The following CALN1 variants were observed in gnomAD, a reference collection of about 807,000 sequenced individuals.
CALN1 encodes the protein calcium-binding protein 8.
Under a neutral mutation model 30.6 loss-of-function variants are expected in CALN1, and 17 were observed. That is an observed-to-expected ratio of 0.56 (90% confidence interval 0.38 to 0.83). The LOEUF (loss-of-function observed/expected upper bound fraction) is 0.83, where lower values mean the gene tolerates loss of function less well. Among genes scored for constraint, CALN1 ranks in the 40% least tolerant of loss-of-function variants. CALN1 has a pLI of 0.00. For synonymous variants in CALN1, 156 were observed against 131.4 expected (o/e 1.19, Z -1.28); for missense variants, 291 against 354.9 (o/e 0.82, Z 1.45).
intron 3 of CALN1, 108 bp downstream of exon 3, chr7:72,278,578 A>T (rs1797516496): frequency 6.8e-7 from 1 of 1,466,660 alleles, no homozygotes; most frequent in African/African-American, 1.4e-5. Flanking sequence ...ACTTGGCCAC[A>T]ACTGCCAAGG....
rs1297021526 is a variant in CALN1, at chr7:71,897,992, AGAGAGAGAGAGGGAGGGAGGGGGGGG to A, written c.502-87526_502-87501del. 5.5e-3 allele frequency among the ~76,000 whole-genome samples: 531 copies of A among 96,832 alleles called. 8 individuals carry two copies. The highest frequency in any genetic ancestry group is 0.023 in the African/African-American group (508 of 22,088). 63.5% of individuals were successfully genotyped at this position (96,832 alleles called of 152,430 possible). On this transcript the variant is annotated intron_variant, in intron 5 of 6. Transcript: ENST00000395275. ...AAAAACAAAAAAAAAAAAAAAAAAA[AGAGAGAGAGAGGGAGGGAGGGGGGGG>A]GAGAGAGAGAGAGAGAGAGAGAATG...
At chr7:72,317,370 T>C (rs1179548333) in intron 2 of CALN1, among the ~76,000 whole-genome samples, 6 of 152,216 alleles carry the variant, frequency 3.9e-5, no homozygotes, top group Non-Finnish European at 8.8e-5. Context: ...GGGAAATCCC[T>C]GTTAGGTTGG....
At chr7:72,065,901 GA>G (rs1054029602) in intron 4 of CALN1, among the ~76,000 whole-genome samples, 1 of 149,108 alleles carries the variant, frequency 6.7e-6, no homozygotes, top group African/African-American at 2.6e-5. Context: ...CTCAAAAAAA[GA>G]AAAGAAAAGA....
Position 71,827,358 on chromosome 7 carries a change from G to A in CALN1, c.502-16866C>T, listed in dbSNP as rs76794002. Among the ~76,000 whole-genome samples the A allele has an allele frequency of 8.4e-4, 128 of 152,294 alleles. No individual in the cohort carries two copies. The East Asian group carries it at 0.023, about 27-fold the overall frequency. Reference sequence around the variant, plus strand: ...AGGGAGAGCTTCCTCTGAGCCAGGAGCACAGCAGATGTGGCCTCATTTAAG... The same window carrying A: ...AGGGAGAGCTTCCTCTGAGCCAGGAACACAGCAGATGTGGCCTCATTTAAG... On this transcript the variant is annotated intron_variant, in intron 5 of 6. Transcript: ENST00000395275.
intron 3 of CALN1, among the ~76,000 whole-genome samples, chr7:72,231,490 T>C (rs1450854267): frequency 6.6e-6 from 1 of 152,250 alleles, no homozygotes; most frequent in Non-Finnish European, 1.5e-5. Context: ...TTCATAGTAT[T>C]CCATGGTATA....
In CALN1 at chr7:71,783,901, A is replaced by G. The variant is rs1250605848; in HGVS notation, c.*3874T>C. ...AAGTGAGATTTGAGACAGGGCAGGT[A>G]TTGAGAAAGAAGACTCATAAGACAC... On this transcript the variant is annotated 3_prime_UTR_variant, in exon 7 of 7. Coordinates refer to ENST00000395275, the MANE Select transcript of CALN1 (RefSeq NM_031468.4). The G allele has an allele frequency of 6.6e-6, 1 of 152,374 alleles. No individual in the cohort carries two copies. Among genetic ancestry groups the G allele is most frequent in the Non-Finnish European group, 1.5e-5 (1 of 68,038 alleles). The allele number at this position is 152,374 out of a possible 1,614,324, so 9.4% of individuals were successfully genotyped here.
intron 3 of CALN1, among the ~76,000 whole-genome samples, chr7:72,123,744 C>T (rs984400418): frequency 1.3e-5 from 2 of 152,164 alleles, no homozygotes; most frequent in African/African-American, 4.8e-5. Flanking sequence ...TGATAAAGAG[C>T]TGACTATGAA....
chr7:71,939,569 T>C (rs945596982), intron 5 of CALN1, among the ~76,000 whole-genome samples: 1 of 139,780 alleles, frequency 7.2e-6, no homozygotes, highest in Non-Finnish European at 1.6e-5. Context: ...CAAGATGTTG[T>C]CTCAAAAAAA....
intron 2 of CALN1, among the ~76,000 whole-genome samples, chr7:72,374,101 T>C (rs1804404011): frequency 6.6e-6 from 1 of 152,210 alleles, no homozygotes; most frequent in South Asian, 2.1e-4. Context: ...GGACCTGCTC[T>C]AAAACAATTG....
intron 5 of CALN1, among the ~76,000 whole-genome samples, chr7:71,947,062 G>A (rs1796441830): frequency 6.6e-6 from 1 of 152,140 alleles, no homozygotes; most frequent in South Asian, 2.1e-4. Context: ...CTAGGCTGGA[G>A]TGAAGTGGCG....
chr7:72,477,513 G>T, the CALN1 span, among the ~76,000 whole-genome samples: 1 of 152,092 alleles, frequency 6.6e-6, no homozygotes, highest in Non-Finnish European at 1.5e-5. Flanking sequence ...GAACTCCTGG[G>T]CTCAAGCAAT....
the CALN1 span, among the ~76,000 whole-genome samples, chr7:72,466,498 C>CCAAAG: frequency 4.6e-5 from 7 of 152,102 alleles, no homozygotes; most frequent in Non-Finnish European, 7.4e-5. Flanking sequence ...AATCCCAGCA[C>CCAAAG]TTTGGGAGGC....
chr7:71,908,185 G>A (rs928586571), intron 5 of CALN1, among the ~76,000 whole-genome samples: 1 of 152,028 alleles, frequency 6.6e-6, no homozygotes, highest in African/African-American at 2.4e-5. Context: ...CCCTTTGGTG[G>A]CCCCCTTTGT....
chr7:71,985,657 T>C (rs1798633726), intron 5 of CALN1, among the ~76,000 whole-genome samples: 1 of 146,724 alleles, frequency 6.8e-6, no homozygotes, highest in Non-Finnish European at 1.5e-5. Context: ...TGGCTCAGTA[T>C]CAGCTCACTG....
intron 3 of CALN1, among the ~76,000 whole-genome samples, chr7:72,148,779 C>T (rs1259786749): frequency 6.6e-6 from 1 of 152,030 alleles, no homozygotes; most frequent in East Asian, 1.9e-4. Flanking sequence ...GTGACAGGCA[C>T]CTGTAATCCC....
intron 3 of CALN1, among the ~76,000 whole-genome samples, chr7:72,228,613 GAAC>G (rs1390898608): frequency 6.6e-6 from 1 of 151,800 alleles, no homozygotes; most frequent in East Asian, 1.9e-4. Context: ...CTGTAAACTG[GAAC>G]AACAATAACT....
In CALN1 at chr7:72,054,546, T is replaced by TAC. The variant is rs1209063604; in HGVS notation, c.389-30778_389-30777insGT. 2.2e-4 allele frequency among the ~76,000 whole-genome samples: 24 copies of TAC among 108,338 alleles called. 1 individual carries two copies. The highest frequency in any genetic ancestry group is 1.7e-3 in the East Asian group (7 of 4,216). The allele number at this position is 108,338 out of a possible 152,430, so 71.1% of individuals were successfully genotyped here. ...ATATATACATACATATATATATACA[T>TAC]ATATATATATATATAATGGAATACT... On this transcript the variant is annotated intron_variant, in intron 4 of 6. Coordinates refer to ENST00000395275, the MANE Select transcript of CALN1 (RefSeq NM_031468.4).
chr7:71,798,615 C>CTTTTT (rs34161533), intron 6 of CALN1, among the ~76,000 whole-genome samples: 8 of 114,828 alleles, frequency 7.0e-5, no homozygotes, highest in African/African-American at 1.8e-4. Context: ...TGGTAAGAGT[C>CTTTTT]TTTTTTTTTT....
intron 3 of CALN1, among the ~76,000 whole-genome samples, chr7:72,147,481 G>GATGTGGAGAAATAGGAAA (rs775589538): frequency 9.9e-6 from 1 of 100,836 alleles, no homozygotes; most frequent in African/African-American, 3.8e-5. Flanking sequence ...TGTTGGAGAG[G>GATGTGGAGAAATAGGAAA]ACTGTTACAC....
Sources: gnomAD v4.1 joint callset for allele counts (sites outside exome capture counted in the v4.1 genomes callset) on GRCh38, gnomAD v4.1.1 for gene constraint, MANE v1.5 for transcripts, NCBI Gene and HGNC (gene_info 2026-07-23, HGNC 2026-07-21) for gene names.